CHLSN: variants seen among roughly 807,000 people sequenced by gnomAD.
The protein encoded by CHLSN is cholesin.
chr7:1,000,280 C>T, the CHLSN span, among the ~76,000 whole-genome samples: 5 of 147,450 alleles, frequency 3.4e-5, no homozygotes, highest in Non-Finnish European at 7.5e-5. Context: ...CCCCAGGAGA[C>T]GTGCCTGCCC....
At chr7:1,133,865 G>A in the CHLSN span, among the ~76,000 whole-genome samples, 3 of 152,070 alleles carry the variant, frequency 2.0e-5, no homozygotes, top group Non-Finnish European at 4.4e-5. Flanking sequence ...GGAACACAGT[G>A]GCATAATCAC....
the CHLSN span, chr7:986,535 G>C: frequency 3.3e-6 from 5 of 1,499,548 alleles, no homozygotes; most frequent in Admixed American, 3.5e-5. Context: ...CCCTGGGCGT[G>C]AACACAGCCG....
At chr7:1,098,026 C>A in the CHLSN span, among the ~76,000 whole-genome samples, 1 of 152,100 alleles carries the variant, frequency 6.6e-6, no homozygotes, top group African/African-American at 2.4e-5. Flanking sequence ...AAAAGAGCGT[C>A]GTGAAGGATT....
chr7:994,064 C>T, the CHLSN span, among the ~76,000 whole-genome samples: 4 of 152,216 alleles, frequency 2.6e-5, no homozygotes, highest in East Asian at 1.9e-4. Flanking sequence ...GCCTGGAAAG[C>T]CCAGTCTCCA....
the CHLSN span, among the ~76,000 whole-genome samples, chr7:1,014,089 G>A: frequency 2.6e-5 from 4 of 152,136 alleles, no homozygotes; most frequent in Non-Finnish European, 4.4e-5. Flanking sequence ...CTCAAGCAAC[G>A]CGGCACTCGT....
chr7:987,812 C>G, the CHLSN span, among the ~76,000 whole-genome samples: 1 of 151,968 alleles, frequency 6.6e-6, no homozygotes, highest in East Asian at 1.9e-4. Context: ...CTAGGCGATC[C>G]CCTCGGTGTG....
chr7:1,090,526 C>T, the CHLSN span, among the ~76,000 whole-genome samples: 6 of 149,130 alleles, frequency 4.0e-5, no homozygotes, highest in African/African-American at 1.5e-4. Flanking sequence ...TGACACAGGG[C>T]AGGTGATGGG....
chr7:1,086,262 T>C, the CHLSN span, among the ~76,000 whole-genome samples: 1 of 152,260 alleles, frequency 6.6e-6, no homozygotes. Context: ...GTCTCAGCTA[T>C]TTCAAGGTTT....
At chr7:1,076,922 TG>T in the CHLSN span, among the ~76,000 whole-genome samples, 1 of 152,112 alleles carries the variant, frequency 6.6e-6, no homozygotes, top group Non-Finnish European at 1.5e-5. Flanking sequence ...AGCGAGGGGC[TG>T]GCCCCTGCTC....
At chr7:1,080,937 G>C in the CHLSN span, 1 of 152,472 alleles carries the variant, frequency 6.6e-6, no homozygotes, top group Non-Finnish European at 1.5e-5. Flanking sequence ...AGGTCGGGGA[G>C]AAGGTGCCAG....
the CHLSN span, among the ~76,000 whole-genome samples, chr7:1,054,447 G>A: frequency 1.7e-4 from 26 of 152,228 alleles, no homozygotes; most frequent in African/African-American, 6.0e-4. Flanking sequence ...GGAGGCCGGC[G>A]TTCCCAGGTC....
the CHLSN span, among the ~76,000 whole-genome samples, chr7:1,049,392 T>C: frequency 1.3e-5 from 2 of 152,220 alleles, no homozygotes; most frequent in East Asian, 3.9e-4. Flanking sequence ...TTAACCCTCC[T>C]GTCTCATGAA....
the CHLSN span, among the ~76,000 whole-genome samples, chr7:984,130 G>A: frequency 1.3e-5 from 2 of 152,188 alleles, no homozygotes; most frequent in African/African-American, 2.4e-5. Context: ...CGACCTTGCC[G>A]CCTGGACTCA....
chr7:1,104,037 C>T, the CHLSN span, among the ~76,000 whole-genome samples: 2 of 152,250 alleles, frequency 1.3e-5, no homozygotes, highest in African/African-American at 4.8e-5. Flanking sequence ...CAGCCCCGTG[C>T]TAGCACCCAC....
chr7:1,050,131 C>T, the CHLSN span, among the ~76,000 whole-genome samples: 7 of 152,212 alleles, frequency 4.6e-5, no homozygotes, highest in South Asian at 2.1e-4. Context: ...CACAGGCCTA[C>T]GGGCTCAGGG....
the CHLSN span, among the ~76,000 whole-genome samples, chr7:1,124,389 C>T: frequency 6.6e-6 from 1 of 151,330 alleles, no homozygotes; most frequent in Non-Finnish European, 1.5e-5. Flanking sequence ...TCCAGGGTGA[C>T]GCCGCGCCCA....
the CHLSN span, among the ~76,000 whole-genome samples, chr7:1,136,757 C>A: frequency 1.7e-3 from 265 of 151,760 alleles, no homozygotes; most frequent in Non-Finnish European, 3.0e-3. Context: ...ATCAATACCC[C>A]TGATCACCCT....
the CHLSN span, among the ~76,000 whole-genome samples, chr7:1,071,917 G>A: frequency 3.3e-5 from 5 of 152,218 alleles, no homozygotes; most frequent in Non-Finnish European, 5.9e-5. Flanking sequence ...GGCCCAGGCC[G>A]CACGGCCGCA....
At chr7:986,706 T>C in the CHLSN span, 29 of 1,612,196 alleles carry the variant, frequency 1.8e-5, no homozygotes, top group Non-Finnish European at 2.5e-5. Context: ...GTCCGTGCCA[T>C]TCTGAGGACC....
Sources: gnomAD v4.1 joint callset for allele counts (sites outside exome capture counted in the v4.1 genomes callset) on GRCh38, gnomAD v4.1.1 for gene constraint, MANE v1.5 for transcripts, NCBI Gene and HGNC (gene_info 2026-07-23, HGNC 2026-07-21) for gene names.